The following FANK1 variants were observed in gnomAD, a reference collection of about 807,000 sequenced individuals.
FANK1 encodes the protein fibronectin type 3 and ankyrin repeat domains protein 1.
A neutral mutation model predicts 45.3 loss-of-function variants in FANK1; 44 were observed. That is an observed-to-expected ratio of 0.97 (90% CI 0.76 to 1.25). FANK1 has a LOEUF of 1.25. Among genes scored for constraint, FANK1 ranks in the 50% most tolerant of loss-of-function variants. FANK1 has a pLI of 0.00. For synonymous variants in FANK1, 149 were observed against 152.5 expected (o/e 0.98, Z 0.17); for missense variants, 391 against 424.4 (o/e 0.92, Z 0.69).
intron 1 of FANK1, among the ~76,000 whole-genome samples, chr10:125,916,937 C>T (rs778557995): frequency 2.0e-5 from 3 of 152,066 alleles, no homozygotes; most frequent in African/African-American, 4.8e-5. Flanking sequence ...CTGAAGATAA[C>T]GCTGAATCGA....
rs147689691 is a variant in FANK1, at chr10:125,951,573, T to C, written c.14-28588T>C. 9.7e-4 allele frequency among the ~76,000 whole-genome samples: 147 copies of C among 152,242 alleles called. 1 individual carries two copies. The highest frequency in any genetic ancestry group is 3.4e-3 in the African/African-American group (143 of 41,544). Reference sequence around the variant, plus strand: ...GGAAGGTTTTGTTTTCTGTTGGGAGTATTCTGATTCTCAGTCTTACTTCTC... The same window carrying C: ...GGAAGGTTTTGTTTTCTGTTGGGAGCATTCTGATTCTCAGTCTTACTTCTC... On this transcript the variant is annotated intron_variant, in intron 1 of 10. Transcript: ENST00000368693.
Position 126,002,050 on chromosome 10 carries a change from C to T in FANK1, c.540-2834C>T, listed in dbSNP as rs189034182. Among the ~76,000 whole-genome samples, 340 of 151,858 alleles carry T rather than the reference C, an allele frequency of 2.2e-3. 2 individuals are homozygous for T. Among genetic ancestry groups the T allele is most frequent in the South Asian group, 5.4e-3 (26 of 4,830 alleles). On this transcript the variant is annotated intron_variant, in intron 6 of 10. Coordinates refer to ENST00000368693, the MANE Select transcript of FANK1 (RefSeq NM_145235.5). ...CAGATAGGCTGGGCGTGGTGGCTCA[C>T]GCCTGTAATCCCAGCACTTTGGGAG... is the stretch of plus-strand genomic sequence containing the variant.
intron 1 of FANK1, among the ~76,000 whole-genome samples, chr10:125,933,292 T>C (rs928275872): frequency 1.3e-5 from 2 of 152,194 alleles, no homozygotes; most frequent in Non-Finnish European, 2.9e-5. Flanking sequence ...AATTTTTAAA[T>C]TACCATTTCA....
intron 3 of FANK1, chr10:125,989,462 T>A: frequency 1.8e-6 from 2 of 1,086,384 alleles, no homozygotes; most frequent in Non-Finnish European, 2.8e-6. Flanking sequence ...GTGCTTTCCA[T>A]GGCTTTCAAC....
At chr10:125,989,309 A>G (rs545926650) in intron 3 of FANK1, 1 of 1,550,906 alleles carries the variant, frequency 6.4e-7, no homozygotes, top group South Asian at 1.2e-5. Flanking sequence ...CCTTGTAAAA[A>G]TTAGGATGGT....
intron 1 of FANK1, among the ~76,000 whole-genome samples, chr10:125,914,082 C>T (rs1294884589): frequency 1.3e-5 from 2 of 151,994 alleles, no homozygotes; most frequent in Non-Finnish European, 2.9e-5. Context: ...AATTAAGAAC[C>T]ATTAGAACTC....
chr10:125,955,826 A>T (rs575765548), intron 1 of FANK1, among the ~76,000 whole-genome samples: 1 of 152,122 alleles, frequency 6.6e-6, no homozygotes, highest in East Asian at 1.9e-4. Context: ...GCTTCATCTC[A>T]AGTGATTATT....
At chr10:125,948,798 A>G (rs1321954907) in intron 1 of FANK1, among the ~76,000 whole-genome samples, 2 of 150,340 alleles carry the variant, frequency 1.3e-5, no homozygotes, top group East Asian at 2.0e-4. Context: ...TACCAAAGCC[A>G]GGCAGAGACA....
chr10:125,918,556 C>CA (rs1156446362), intron 1 of FANK1, among the ~76,000 whole-genome samples: 393 of 7,100 alleles, frequency 0.055, 101 homozygotes, highest in Middle Eastern at 0.5. Context: ...GCCTCTGTCT[C>CA]AAAAAAAAAA....
chr10:125,920,808 T>G (rs1946892088), intron 1 of FANK1, among the ~76,000 whole-genome samples: 1 of 152,244 alleles, frequency 6.6e-6, no homozygotes. Flanking sequence ...TTTATATCTC[T>G]AAATATCAGT....
At chr10:125,951,032 G>T (rs1225698126) in intron 1 of FANK1, among the ~76,000 whole-genome samples, 7 of 138,784 alleles carry the variant, frequency 5.0e-5, no homozygotes, top group Middle Eastern at 3.8e-3. Context: ...TCATAGGTGG[G>T]AATTGAACAA....
At chr10:125,991,935 G>A (rs575086202) in intron 3 of FANK1, among the ~76,000 whole-genome samples, 2 of 152,258 alleles carry the variant, frequency 1.3e-5, no homozygotes, top group South Asian at 2.1e-4. Flanking sequence ...CCTTCTCCTC[G>A]GTGCCCCTGC....
Position 125,997,373 on chromosome 10 carries a change from G to A in FANK1, c.474-47G>A, listed in dbSNP as rs770606485. On this transcript the variant is annotated intron_variant, in intron 5 of 10. Transcript: ENST00000368693. Reference sequence around the variant, plus strand: ...TTTACTGGACTATTGTGGGTTCTGAGTGATCAAGGTGACTTATCTAGCTAC... The same window carrying A: ...TTTACTGGACTATTGTGGGTTCTGAATGATCAAGGTGACTTATCTAGCTAC... The A allele has an allele frequency of 5.2e-6, 8 of 1,530,966 alleles. No individual in the cohort carries two copies. The African/African-American group carries it at 6.8e-5, about 13-fold the overall frequency. The allele number at this position is 1,530,966 out of a possible 1,614,324, so 94.8% of individuals were successfully genotyped here.
At chr10:125,920,265 G>T (rs1946852049) in intron 1 of FANK1, among the ~76,000 whole-genome samples, 1 of 152,144 alleles carries the variant, frequency 6.6e-6, no homozygotes, top group Admixed American at 6.6e-5. Flanking sequence ...CTGGACTTAA[G>T]ATATAGACCA....
intron 1 of FANK1, among the ~76,000 whole-genome samples, chr10:125,933,213 A>G (rs113906362): frequency 0.018 from 2,767 of 152,156 alleles, 84 homozygotes; most frequent in African/African-American, 0.062. Context: ...CTTGGTACCA[A>G]TTCTTCTTTG....
At chr10:125,989,361 A>G (rs1951777247) in intron 3 of FANK1, 1 of 1,551,094 alleles carries the variant, frequency 6.4e-7, no homozygotes, top group African/African-American at 1.4e-5. Flanking sequence ...AACACAGGCA[A>G]GTAATTTTTC....
In FANK1 at chr10:125,974,283, G is replaced by C. The variant is rs73368670; in HGVS notation, c.14-5878G>C. ...CCACTGGCCTGGGGTGGCAAGACCA[G>C]GGCAGCCCTGTCTTCGTCAGTGGGT... On this transcript the variant is annotated intron_variant, in intron 1 of 10. Transcript: ENST00000368693. Among the ~76,000 whole-genome samples the C allele has an allele frequency of 2.6e-5, 4 of 152,310 alleles. No homozygotes were observed. The South Asian group carries it at 8.3e-4, about 32-fold the overall frequency.
At chr10:125,952,054 G>A (rs148994957) in intron 1 of FANK1, among the ~76,000 whole-genome samples, 19 of 152,232 alleles carry the variant, frequency 1.2e-4, no homozygotes, top group Non-Finnish European at 2.8e-4. Flanking sequence ...CAGACTTTGT[G>A]GGGACAAGAT....
At chr10:125,941,160 A>G (rs993340620) in intron 1 of FANK1, among the ~76,000 whole-genome samples, 1 of 152,248 alleles carries the variant, frequency 6.6e-6, no homozygotes, top group African/African-American at 2.4e-5. Flanking sequence ...AATAAGACAC[A>G]ATCCTGCAGA....
Sources: allele counts gnomAD v4.1 joint callset (sites outside exome capture counted in the v4.1 genomes callset), GRCh38; gene constraint gnomAD v4.1.1; transcripts MANE v1.5; gene names NCBI Gene and HGNC (gene_info 2026-07-23, HGNC 2026-07-21).